The following STAC variants were observed in gnomAD, a reference collection of about 807,000 sequenced individuals.
STAC encodes SH3 and cysteine-rich domain-containing protein.
STAC carries 43 observed loss-of-function variants against 48.8 expected under a neutral mutation model. The ratio of observed to expected loss-of-function variants is 0.88; its 90% CI spans 0.69 to 1.14. The LOEUF is 1.14. Ranked by LOEUF, STAC falls within the 50% of genes most tolerant of loss-of-function variation. The pLI is 0.00. For synonymous variants in STAC, 193 were observed against 179.5 expected (o/e 1.07, Z -0.60); for missense variants, 497 against 504.0 (o/e 0.99, Z 0.13).
intron 10 of STAC, among the ~76,000 whole-genome samples, chr3:36,535,681 G>C (rs1246038125): frequency 6.6e-6 from 1 of 152,136 alleles, no homozygotes; most frequent in African/African-American, 2.4e-5. Flanking sequence ...AAAATGAATG[G>C]ACGTTGAAAT....
chr3:36,414,242 T>G (rs1167447796), intron 1 of STAC, among the ~76,000 whole-genome samples: 1 of 152,234 alleles, frequency 6.6e-6, no homozygotes, highest in African/African-American at 2.4e-5. Flanking sequence ...GTTGGGGAAG[T>G]TCTCCTGGAT....
chr3:36,511,035 A>G (rs1290452036), intron 8 of STAC, among the ~76,000 whole-genome samples: 1 of 151,784 alleles, frequency 6.6e-6, no homozygotes, highest in Non-Finnish European at 1.5e-5. Flanking sequence ...TATCAGAGTC[A>G]ATCAGGAACT....
intron 8 of STAC, among the ~76,000 whole-genome samples, chr3:36,511,642 G>A (rs1698542413): frequency 6.6e-6 from 1 of 152,200 alleles, no homozygotes; most frequent in Admixed American, 6.5e-5. Flanking sequence ...GACGCCACTT[G>A]TCTGAATGCT....
At chr3:36,543,245 G>A (rs1699371563) in intron 10 of STAC, among the ~76,000 whole-genome samples, 1 of 152,114 alleles carries the variant, frequency 6.6e-6, no homozygotes, top group African/African-American at 2.4e-5. Context: ...GAATGGAAAT[G>A]TTTCAGGCTC....
rs943879661 is a variant in STAC at position 36,539,409 on chromosome 3, T to C, written c.1111-6782T>C. Among the ~76,000 whole-genome samples the C allele has an allele frequency of 2.0e-5, 3 of 152,168 alleles. No individual in the cohort carries two copies. In the East Asian group the frequency reaches 5.8e-4, roughly 29 times the overall value. On this transcript the variant is annotated intron_variant, in intron 10 of 10. Transcript: ENST00000273183. ...TGTGTTATTCCCCTTTGTGTGTCCATGTGTCCTCATCATTTAGCTCCAACT... is the reference window on the plus strand; with the variant it reads ...TGTGTTATTCCCCTTTGTGTGTCCACGTGTCCTCATCATTTAGCTCCAACT...
chr3:36,495,703 G>A (rs1444421554), intron 6 of STAC, among the ~76,000 whole-genome samples: 1 of 152,210 alleles, frequency 6.6e-6, no homozygotes, highest in East Asian at 1.9e-4. Flanking sequence ...GTCTTAATAG[G>A]ATTTTAAAAT....
chr3:36,465,969 C>G (rs913184875), intron 2 of STAC, among the ~76,000 whole-genome samples: 2 of 152,010 alleles, frequency 1.3e-5, no homozygotes, highest in Non-Finnish European at 2.9e-5. Context: ...CTTTGTATCC[C>G]TCAATCCAAT....
chr3:36,404,293 C>T (rs1373252676), intron 1 of STAC, among the ~76,000 whole-genome samples: 1 of 152,150 alleles, frequency 6.6e-6, no homozygotes, highest in Non-Finnish European at 1.5e-5. Context: ...TGCAAATTGA[C>T]AAATTCAGTC....
chr3:36,505,770 C>T lies in STAC; in HGVS notation c.856C>T (p.Gln286Ter). ...HQGSLSKDPL[Q>*]MNTYVALYKF... is the part of the protein sequence containing the mutation. Reference sequence around the variant, plus strand: ...GGGATCTCTTTCCAAAGACCCATTACAGATGAACACCTATGTTGCCTTGTA... The same window carrying T: ...GGGATCTCTTTCCAAAGACCCATTATAGATGAACACCTATGTTGCCTTGTA... Residue 286 changes from glutamine to a stop codon, truncating the protein, a stop_gained, in exon 8 of 11, where the codon CAG (glutamine) becomes TAG (stop). Coordinates refer to ENST00000273183, the MANE Select transcript of STAC (RefSeq NM_003149.3). LOFTEE classifies it high-confidence loss of function. The T allele has an allele frequency of 6.2e-7, 1 of 1,605,974 alleles. No individual in the cohort carries two copies. Among genetic ancestry groups the T allele is most frequent in the Admixed American group, 1.7e-5 (1 of 58,400 alleles).
At chr3:36,526,487 C>T (rs1698939499) in intron 8 of STAC, among the ~76,000 whole-genome samples, 3 of 152,138 alleles carry the variant, frequency 2.0e-5, no homozygotes, top group South Asian at 4.1e-4. Context: ...ATGAAACTGA[C>T]CTTCCAAGGA....
chr3:36,493,201 G>A lies in STAC; in HGVS notation c.738G>A (p.Gly246=), dbSNP rs1488662047. The change falls in exon 6 of 11, where the codon GGG becomes GGA. Residue 246 remains glycine, a synonymous_variant. Transcript: ENST00000273183. The part of the protein sequence containing the change: ...VPEEANGPGG[G]YDLRKRSNSV... ...AGGAAGCCAATGGGCCAGGAGGCGG[G>A]TATGACCTAAGGAAACGCAGCAACA... 6.2e-7 allele frequency: 1 copy of A among 1,613,538 alleles called. No individual in the cohort carries two copies.
At chr3:36,444,491 G>T (rs552323666) in intron 2 of STAC, among the ~76,000 whole-genome samples, 1 of 152,318 alleles carries the variant, frequency 6.6e-6, no homozygotes, top group East Asian at 1.9e-4. Context: ...GAACCAGTGG[G>T]CTAGTCACAT....
At chr3:36,430,317 C>G (rs937796189) in intron 1 of STAC, among the ~76,000 whole-genome samples, 1 of 152,098 alleles carries the variant, frequency 6.6e-6, no homozygotes, top group African/African-American at 2.4e-5. Context: ...GATAGGGCAC[C>G]TGCATGCATA....
chr3:36,462,863 G>T lies in STAC; in HGVS notation c.388+19223G>T, dbSNP rs1697057907. Among the ~76,000 whole-genome samples, 10 of 152,038 alleles carry T rather than the reference G, an allele frequency of 6.6e-5. No individual in the cohort carries two copies. The South Asian group carries it at 2.1e-3, about 32-fold the overall frequency. On this transcript the variant is annotated intron_variant, in intron 2 of 10. Transcript: ENST00000273183. The stretch of plus-strand genomic sequence containing the variant: ...CACATGTGTATTCCTTATTATAATA[G>T]GGAAGTACCCTTCTGTCCCATATTT...
Position 36,430,255 on chromosome 3 carries a change from A to T in STAC, c.112-13109A>T, listed in dbSNP as rs528493952. On this transcript the variant is annotated intron_variant, in intron 1 of 10. Transcript: ENST00000273183. The stretch of plus-strand genomic sequence containing the variant: ...CCTTGACCTCAGCGTATAGAATAAG[A>T]GTATGTAGAATGTCAGTTGTGGTGA... Among the ~76,000 whole-genome samples, 4 of 152,352 alleles carry T rather than the reference A, an allele frequency of 2.6e-5. No individual in the cohort carries two copies. In the South Asian group the frequency reaches 8.3e-4, roughly 32 times the overall value.
chr3:36,458,145 A>G (rs562490008), intron 2 of STAC, among the ~76,000 whole-genome samples: 8 of 152,188 alleles, frequency 5.3e-5, no homozygotes, highest in Admixed American at 3.3e-4. Context: ...ATGGCATTTC[A>G]AAAGTCACTG....
chr3:36,542,343 C>T (rs1469881584), intron 10 of STAC, among the ~76,000 whole-genome samples: 1 of 152,182 alleles, frequency 6.6e-6, no homozygotes, highest in Non-Finnish European at 1.5e-5. Context: ...AATTCTAGTC[C>T]ATGAGACAGA....
chr3:36,473,456 C>T (rs894180068), intron 2 of STAC, among the ~76,000 whole-genome samples: 1 of 152,186 alleles, frequency 6.6e-6, no homozygotes, highest in Non-Finnish European at 1.5e-5. Flanking sequence ...CTAGCCATCA[C>T]ACCACTTACT....
intron 1 of STAC, among the ~76,000 whole-genome samples, chr3:36,389,520 A>G (rs1257090951): frequency 6.6e-6 from 1 of 152,216 alleles, no homozygotes; most frequent in Non-Finnish European, 1.5e-5. Context: ...CACAAACATT[A>G]AGAACATAGC....
Sources: allele counts gnomAD v4.1 joint callset (sites outside exome capture counted in the v4.1 genomes callset), GRCh38; gene constraint gnomAD v4.1.1; transcripts MANE v1.5; gene names NCBI Gene and HGNC (gene_info 2026-07-23, HGNC 2026-07-21).